AGBL4: variants seen among roughly 807,000 people sequenced by gnomAD.
AGBL4 encodes the protein cytosolic carboxypeptidase 6.
In AGBL4, 58 loss-of-function variants were observed where a neutral mutation model predicts 66.4. The observed-to-expected ratio is 0.87, with a 90% CI of 0.71 to 1.09. The LOEUF (loss-of-function observed/expected upper bound fraction) is 1.09. AGBL4 is among the 50% of genes least tolerant of loss of function. AGBL4 has a pLI of 0.00. For synonymous variants in AGBL4, 234 were observed against 222.9 expected (o/e 1.05, Z -0.44); for missense variants, 579 against 631.0 (o/e 0.92, Z 0.88).
In AGBL4 at chr1:49,387,502, C is replaced by G. The variant is rs942183575; in HGVS notation, c.283-141638G>C. Among the ~76,000 whole-genome samples, 13 of 151,672 alleles carry G rather than the reference C, an allele frequency of 8.6e-5. No individual in the cohort carries two copies. The East Asian group carries it at 2.5e-3, about 29-fold the overall frequency. On this transcript the variant is annotated intron_variant, in intron 3 of 13. Transcript: ENST00000371839. ...TGTCAGCTTATAGACTCCTTTCATC[C>G]TATCTTTTCACCATGTATGATTCCA...
intron 1 of AGBL4, among the ~76,000 whole-genome samples, chr1:49,892,934 T>C (rs1040886962): frequency 6.6e-6 from 1 of 152,160 alleles, no homozygotes; most frequent in Non-Finnish European, 1.5e-5. Flanking sequence ...GTCCCTGTTC[T>C]CTTCTCTTTT....
chr1:48,527,205 T>A, the AGBL4 span, among the ~76,000 whole-genome samples: 1 of 152,136 alleles, frequency 6.6e-6, no homozygotes, highest in African/African-American at 2.4e-5. Context: ...CTGGAACCAT[T>A]AGGTTCTATG....
chr1:49,763,571 A>G (rs543428126), intron 2 of AGBL4, among the ~76,000 whole-genome samples: 1 of 152,324 alleles, frequency 6.6e-6, no homozygotes, highest in Admixed American at 6.5e-5. Flanking sequence ...GAAGCTGGGC[A>G]GCCACCCACC....
intron 6 of AGBL4, among the ~76,000 whole-genome samples, chr1:48,807,918 C>T (rs574184365): frequency 4.3e-4 from 66 of 152,234 alleles, no homozygotes; most frequent in African/African-American, 1.6e-3. Flanking sequence ...ATCTTAATCT[C>T]CTCTGGACAC....
intron 5 of AGBL4, among the ~76,000 whole-genome samples, chr1:48,930,259 C>A (rs918097407): frequency 6.6e-6 from 1 of 152,008 alleles, no homozygotes; most frequent in Admixed American, 6.6e-5. Flanking sequence ...CTGCTTGGCA[C>A]GCTCTGCCAT....
intron 6 of AGBL4, among the ~76,000 whole-genome samples, chr1:48,823,419 G>A (rs1646357956): frequency 6.6e-6 from 1 of 152,204 alleles, no homozygotes; most frequent in African/African-American, 2.4e-5. Flanking sequence ...GTCAGCTGGG[G>A]CAGACTGAGT....
chr1:49,822,530 G>A (rs994128498), intron 2 of AGBL4, among the ~76,000 whole-genome samples: 2 of 152,132 alleles, frequency 1.3e-5, no homozygotes, highest in African/African-American at 4.8e-5. Flanking sequence ...TGCTATGTCA[G>A]TCAGGCTGGT....
intron 3 of AGBL4, among the ~76,000 whole-genome samples, chr1:49,495,118 T>C (rs1431834117): frequency 6.6e-6 from 1 of 152,014 alleles, no homozygotes; most frequent in Non-Finnish European, 1.5e-5. Flanking sequence ...AATATGGAGA[T>C]GGAGAGAATA....
intron 6 of AGBL4, chr1:48,818,365 CACT>C (rs1646235518): frequency 4.4e-6 from 3 of 679,036 alleles, no homozygotes; most frequent in Admixed American, 4.4e-5. Context: ...TGAAACATTG[CACT>C]AAGTGACTCT....
At chr1:49,054,502 T>C (rs1023720125) in intron 4 of AGBL4, among the ~76,000 whole-genome samples, 4 of 152,014 alleles carry the variant, frequency 2.6e-5, no homozygotes, top group Admixed American at 6.6e-5. Flanking sequence ...TTTGGTTTGG[T>C]GAAAGCAATA....
chr1:49,393,147 G>C (rs992110940), intron 3 of AGBL4, among the ~76,000 whole-genome samples: 10 of 152,158 alleles, frequency 6.6e-5, no homozygotes, highest in African/African-American at 2.4e-4. Flanking sequence ...ACACATAGTA[G>C]GCACTCAGTG....
At chr1:49,274,821 A>G (rs1287146880) in intron 3 of AGBL4, among the ~76,000 whole-genome samples, 1 of 152,176 alleles carries the variant, frequency 6.6e-6, no homozygotes, top group Admixed American at 6.6e-5. Context: ...TCATGGGGCT[A>G]AACTGATAAA....
chr1:49,716,905 A>G (rs1648190340), intron 2 of AGBL4, among the ~76,000 whole-genome samples: 1 of 152,108 alleles, frequency 6.6e-6, no homozygotes, highest in African/African-American at 2.4e-5. Flanking sequence ...CCTATTCAAC[A>G]TAGTGTTGGA....
chr1:49,090,180 A>G (rs767524230), intron 4 of AGBL4, among the ~76,000 whole-genome samples: 1 of 152,142 alleles, frequency 6.6e-6, no homozygotes, highest in Non-Finnish European at 1.5e-5. Flanking sequence ...CTGGAACAAG[A>G]TAAGAATGCT....
chr1:49,948,436 AAT>A (rs1184255267), intron 1 of AGBL4, among the ~76,000 whole-genome samples: 20 of 87,986 alleles, frequency 2.3e-4, no homozygotes, highest in South Asian at 4.2e-4. Flanking sequence ...TAAATATATA[AAT>A]ATATATAAAT....
At chr1:48,768,066 A>G (rs1345787453) in intron 6 of AGBL4, among the ~76,000 whole-genome samples, 2 of 152,224 alleles carry the variant, frequency 1.3e-5, no homozygotes, top group African/African-American at 4.8e-5. Context: ...CAACATTTCA[A>G]ATCAAGTCTG....
intron 1 of AGBL4, among the ~76,000 whole-genome samples, chr1:49,915,300 G>A (rs1651305954): frequency 6.6e-6 from 1 of 152,160 alleles, no homozygotes; most frequent in Middle Eastern, 3.2e-3. Context: ...GCCTCACCCA[G>A]GAAGTGCAAG....
chr1:48,735,175 A>G (rs908331252), intron 6 of AGBL4, among the ~76,000 whole-genome samples: 3 of 152,256 alleles, frequency 2.0e-5, no homozygotes, highest in Non-Finnish European at 4.4e-5. Context: ...AACACAGTTA[A>G]GTGCCTAAAA....
chr1:49,948,400 T>TACATAAA (rs1655680792), intron 1 of AGBL4, among the ~76,000 whole-genome samples: 1 of 110,942 alleles, frequency 9.0e-6, no homozygotes, highest in African/African-American at 3.7e-5. Flanking sequence ...AATATATAAA[T>TACATAAA]ATATATAAAT....
Sources: gnomAD v4.1 joint callset for allele counts (sites outside exome capture counted in the v4.1 genomes callset) on GRCh38, gnomAD v4.1.1 for gene constraint, MANE v1.5 for transcripts, NCBI Gene and HGNC (gene_info 2026-07-23, HGNC 2026-07-21) for gene names.